AP2A2: variants seen among roughly 807,000 people sequenced by gnomAD.
The protein encoded by AP2A2 is AP-2 complex subunit alpha-2.
Under a neutral mutation model 104.2 loss-of-function variants are expected in AP2A2, and 32 were observed. That is an observed-to-expected ratio of 0.31 (90% confidence interval 0.23 to 0.41). AP2A2 has a LOEUF of 0.41. Ranked by LOEUF, AP2A2 falls within the 10% of genes least tolerant of loss-of-function variation. AP2A2 has a pLI of 1.00. For synonymous variants in AP2A2, 539 were observed against 533.3 expected, an observed-to-expected ratio of 1.01 and a Z score of -0.15; for missense variants, 912 against 1,261.0, an observed-to-expected ratio of 0.72 and a Z score of 4.19.
intron 3 of AP2A2, among the ~76,000 whole-genome samples, chr11:970,521 T>C (rs1854782613): frequency 6.6e-6 from 1 of 152,262 alleles, no homozygotes; most frequent in African/African-American, 2.4e-5. Flanking sequence ...CTGGGTGTTC[T>C]TCAGGAAGCC....
Position 993,470 on chromosome 11 carries a change from G to A in AP2A2, c.1550+89G>A. 2.9e-6 allele frequency: 3 copies of A among 1,038,034 alleles called. No homozygotes were observed. In the East Asian group the frequency reaches 8.2e-5, roughly 28 times the overall value. 64.3% of individuals were successfully genotyped at this position (1,038,034 alleles called of 1,614,324 possible). A position where few individuals can be genotyped will look rare whatever the true frequency, so the allele number is the denominator to read the frequency against. On this transcript the variant is annotated intron_variant, in intron 12 of 21. Coordinates refer to ENST00000448903, the MANE Select transcript of AP2A2 (RefSeq NM_012305.4). The surrounding 1 kb of genome is among the most constrained non-coding windows in gnomAD (Gnocchi z 8.2). ...AAGAGGCGAGGCACCAGCTGGCCCT[G>A]CCGTGAGGCCTCGCAGAGCCGCTTC...
At chr11:947,162 C>G (rs1180872011) in intron 1 of AP2A2, among the ~76,000 whole-genome samples, 1 of 152,060 alleles carries the variant, frequency 6.6e-6, no homozygotes, top group Non-Finnish European at 1.5e-5. Flanking sequence ...AGACTCCCGC[C>G]ACCAGGCCCA....
Position 977,091 on chromosome 11 carries a change from T to G in AP2A2, c.474-4T>G. On this transcript the variant is annotated splice_region_variant and splice_polypyrimidine_tract_variant and intron_variant, in intron 4 of 21. Transcript: ENST00000448903. ...GCGAGTGACTCTTGACGTCTGTCTT[T>G]CAGAGACACTATGGACAGCGTGAAG... is the stretch of plus-strand genomic sequence containing the variant. The G allele has an allele frequency of 1.2e-6, 2 of 1,613,594 alleles. No homozygotes were observed. Among genetic ancestry groups the G allele is most frequent in the Non-Finnish European group, 1.7e-6 (2 of 1,179,778 alleles).
chr11:939,247 CAAAAAAAAAA>C (rs546835879), intron 1 of AP2A2, among the ~76,000 whole-genome samples: 1 of 51,490 alleles, frequency 1.9e-5, no homozygotes. Context: ...GACTCTGTCT[CAAAAAAAAAA>C]AAAAAAAAAG....
intron 14 of AP2A2, among the ~76,000 whole-genome samples, chr11:994,660 T>C (rs374917729): frequency 0.01 from 446 of 44,442 alleles, no homozygotes; most frequent in Middle Eastern, 0.048. Context: ...CCCTGCTGGA[T>C]GCCCCCCTGG....
chr11:954,670 TTG>T (rs2134542571), intron 1 of AP2A2, among the ~76,000 whole-genome samples: 1 of 152,202 alleles, frequency 6.6e-6, no homozygotes, highest in African/African-American at 2.4e-5. Context: ...GTATTTGTGT[TTG>T]TATAAATGTG....
Position 1,000,538 on chromosome 11 carries a change from T to G in AP2A2, c.2063T>G (p.Phe688Cys), listed in dbSNP as rs1406443454. The G allele has an allele frequency of 6.5e-7, 1 of 1,548,446 alleles. No individual in the cohort carries two copies. The highest frequency in any genetic ancestry group is 1.4e-5 in the African/African-American group (1 of 73,646). Residue 688 changes from phenylalanine (F) to cysteine (C), a missense_variant, in exon 15 of 22, where the codon TTC becomes TGC. Physicochemically the swap from Phe to Cys is radical, Grantham distance 205. Around this residue, in one of 7 missense-constraint regions of AP2A2, gnomAD observed 239 missense variants for 329.8 expected, o/e 0.72. Transcript: ENST00000448903. ...GGCAGCGGGCTGCTCGTGGACGTGT[T>G]CTCAGACTCGGCCTCTGTGGTCGCG... ...SGGSGLLVDVFSDSASVVAPL... is the reference protein window; with the variant it reads ...SGGSGLLVDVCSDSASVVAPL...
Position 992,089 on chromosome 11 carries a change from C to T in AP2A2, c.1270-414C>T, listed in dbSNP as rs528193581. On this transcript the variant is annotated intron_variant, in intron 10 of 21. Coordinates refer to ENST00000448903, the MANE Select transcript of AP2A2 (RefSeq NM_012305.4). The surrounding 1 kb of genome is among the most constrained non-coding windows in gnomAD (Gnocchi z 6.4). Reference sequence around the variant, plus strand: ...AAGAAACCAGCAGAGAAGTGGCCGCCGGGAGCCCAGGGTGGCGCAGTCACT... The same window carrying T: ...AAGAAACCAGCAGAGAAGTGGCCGCTGGGAGCCCAGGGTGGCGCAGTCACT... Among the ~76,000 whole-genome samples the T allele has an allele frequency of 3.9e-5, 6 of 151,990 alleles. No individual in the cohort carries two copies. In the South Asian group the frequency reaches 6.3e-4, roughly 16 times the overall value.
chr11:950,157 T>G (rs2134520284), intron 1 of AP2A2, among the ~76,000 whole-genome samples: 1 of 152,280 alleles, frequency 6.6e-6, no homozygotes, highest in Non-Finnish European at 1.5e-5. Flanking sequence ...GGTGCTGGGA[T>G]GACTGAATCT....
At chr11:943,433 A>G (rs1853723093) in intron 1 of AP2A2, 1 of 158,842 alleles carries the variant, frequency 6.3e-6, no homozygotes. Flanking sequence ...TGATTAGGTC[A>G]GGGGTCGATC....
At chr11:1,000,701 A>T in intron 15 of AP2A2, 103 bp downstream of exon 15, 1 of 1,271,394 alleles carries the variant, frequency 7.9e-7, no homozygotes, top group Non-Finnish European at 1.1e-6. Context: ...AGCGGAGTTT[A>T]CCTCCCAGAT....
At chr11:940,639 T>A in intron 1 of AP2A2, 1 of 355,338 alleles carries the variant, frequency 2.8e-6, no homozygotes, top group South Asian at 2.1e-5. Flanking sequence ...AGGTGTTTCC[T>A]TTGGCGTTTC....
At chr11:986,729 C>T in intron 8 of AP2A2, 56 bp from the exon 9 acceptor site, 1 of 1,585,038 alleles carries the variant, frequency 6.3e-7, no homozygotes, top group Non-Finnish European at 8.6e-7. Flanking sequence ...AGACTCTGTC[C>T]AGTTTGTGTT....
At chr11:971,035 T>G (rs929194147) in intron 3 of AP2A2, among the ~76,000 whole-genome samples, 1 of 152,348 alleles carries the variant, frequency 6.6e-6, no homozygotes, top group African/African-American at 2.4e-5. Context: ...AAATTTAACT[T>G]AGAGAAATTA....
At chr11:936,067 A>G (rs1226123057) in intron 1 of AP2A2, among the ~76,000 whole-genome samples, 1 of 139,816 alleles carries the variant, frequency 7.2e-6, no homozygotes, top group African/African-American at 2.6e-5. Context: ...ACGCCTGCCT[A>G]ATTTTTTTTT....
chr11:994,253 C>T lies in AP2A2; in HGVS notation c.1956+8C>T. On this transcript the variant is annotated splice_region_variant and intron_variant, in intron 14 of 21. Coordinates refer to ENST00000448903, the MANE Select transcript of AP2A2 (RefSeq NM_012305.4). ...GCCAGTACCAGCGCCGTGGTGGGTC[C>T]CTCACCTACTGTGCACCCAGACCTG... 1.2e-6 allele frequency: 2 copies of T among 1,612,422 alleles called. No individual in the cohort carries two copies. The highest frequency in any genetic ancestry group is 1.7e-6 in the Non-Finnish European group (2 of 1,179,528).
At chr11:1,009,271 A>G in intron 19 of AP2A2, 55 bp downstream of exon 19, 1 of 1,609,812 alleles carries the variant, frequency 6.2e-7, no homozygotes, top group Non-Finnish European at 8.5e-7. Flanking sequence ...TCATTTGAAA[A>G]GGTGGGTTTT....
chr11:997,373 A>G (rs1855889989), intron 14 of AP2A2, among the ~76,000 whole-genome samples: 1 of 152,064 alleles, frequency 6.6e-6, no homozygotes, highest in Non-Finnish European at 1.5e-5. Context: ...TTCACCCCTC[A>G]AGTTGTCCTG....
At chr11:948,925 G>T (rs1218134496) in intron 1 of AP2A2, among the ~76,000 whole-genome samples, 1 of 152,116 alleles carries the variant, frequency 6.6e-6, no homozygotes, top group Admixed American at 6.5e-5. Context: ...TCTGGGCCAG[G>T]TGGCTTCTCT....
Sources: allele counts gnomAD v4.1 joint callset (sites outside exome capture counted in the v4.1 genomes callset), GRCh38; gene constraint gnomAD v4.1.1; regional missense constraint gnomAD v4.1.1; non-coding constraint Gnocchi (gnomAD v3.1); transcripts MANE v1.5; gene names NCBI Gene and HGNC (gene_info 2026-07-23, HGNC 2026-07-21).